Variants in RALGAPA2 observed in about 807,000 individuals in gnomAD.
RALGAPA2 encodes Ral GTPase activating protein catalytic subunit alpha 2.
RALGAPA2 carries 139 observed loss-of-function variants against 230.4 expected under a neutral mutation model. The ratio of observed to expected loss-of-function variants is 0.60; its 90% CI spans 0.53 to 0.69. The LOEUF (loss-of-function observed/expected upper bound fraction) is 0.69. Among genes scored for constraint, RALGAPA2 ranks in the 30% least tolerant of loss-of-function variants. The pLI, the probability that RALGAPA2 is intolerant of heterozygous loss-of-function variation, is 0.00. For synonymous variants in RALGAPA2, 847 were observed against 837.8 expected (o/e 1.01, Z -0.19); for missense variants, 2,163 against 2,276.0 (o/e 0.95, Z 1.01).
intron 30 of RALGAPA2, 107 bp from the exon 31 acceptor site, chr20:20,521,207 T>G: frequency 1.1e-6 from 1 of 896,866 alleles, no homozygotes; most frequent in Non-Finnish European, 1.7e-6. Context: ...TGCTTGGTCC[T>G]AGCTGGAAAT....
chr20:20,615,407 C>T (rs960024044), intron 13 of RALGAPA2, among the ~76,000 whole-genome samples: 1 of 152,012 alleles, frequency 6.6e-6, no homozygotes, highest in Admixed American at 6.6e-5. Flanking sequence ...GATGATCCAC[C>T]CACCTCGGCC....
intron 36 of RALGAPA2, among the ~76,000 whole-genome samples, chr20:20,481,578 T>A (rs1359355402): frequency 6.6e-6 from 1 of 152,250 alleles, no homozygotes; most frequent in Non-Finnish European, 1.5e-5. Flanking sequence ...TGGCACTGCC[T>A]TTATCATGCA....
At chr20:20,550,153 C>G (rs1361067825) in intron 23 of RALGAPA2, among the ~76,000 whole-genome samples, 1 of 152,132 alleles carries the variant, frequency 6.6e-6, no homozygotes, top group Admixed American at 6.5e-5. Context: ...CACCCTTTCC[C>G]CCAAGTCCCC....
In RALGAPA2 at chr20:20,712,560, G is replaced by A. The variant is rs2069932776; in HGVS notation, c.-80C>T. 2 of 1,331,004 alleles carry A rather than the reference G, an allele frequency of 1.5e-6. No homozygotes were observed. Among genetic ancestry groups the A allele is most frequent in the Non-Finnish European group, 1.9e-6 (2 of 1,041,104 alleles). The allele number at this position is 1,331,004 out of a possible 1,614,324, so 82.4% of individuals were successfully genotyped here. On this transcript the variant is annotated 5_prime_UTR_variant, in exon 1 of 40. Transcript: ENST00000202677. This position sits in a 1 kb window ranked among gnomAD's most constrained non-coding sequence, Gnocchi z 5.5. ...CGAATCAAAGCATAGGGTCGAGGCC[G>A]GCGCGTGTCGCGCGGGCCACTCGCC... is the stretch of plus-strand genomic sequence containing the variant.
At chr20:20,583,604 G>A (rs2146027036) in intron 19 of RALGAPA2, among the ~76,000 whole-genome samples, 1 of 152,246 alleles carries the variant, frequency 6.6e-6, no homozygotes, top group South Asian at 2.1e-4. Context: ...ACAAATGCAA[G>A]TTTACTCTAC....
At chr20:20,476,722 A>AAATAAAT (rs1569430610) in intron 36 of RALGAPA2, among the ~76,000 whole-genome samples, 5 of 125,832 alleles carry the variant, frequency 4.0e-5, no homozygotes, top group African/African-American at 5.5e-5. Context: ...AATAAATAAA[A>AAATAAAT]GAAAATACAT....
At chr20:20,547,353 G>C (rs1239263378) in intron 23 of RALGAPA2, among the ~76,000 whole-genome samples, 2 of 152,184 alleles carry the variant, frequency 1.3e-5, no homozygotes, top group African/African-American at 2.4e-5. Flanking sequence ...AAATGCTAAG[G>C]TCAGGGAAAC....
rs567735766 is a variant in RALGAPA2 at position 20,402,130 on chromosome 20, C to G, written c.5618-5396G>C. ...CTGAGAATGGAGAGGCCTAAGTGCT[C>G]GAGCTCTGGTCTGGACATGACCAGC... On this transcript the variant is annotated intron_variant, in intron 38 of 39. Coordinates refer to ENST00000202677, the MANE Select transcript of RALGAPA2 (RefSeq NM_020343.4). 5.3e-5 allele frequency among the ~76,000 whole-genome samples: 8 copies of G among 152,290 alleles called. No homozygotes were observed. In the East Asian group the frequency reaches 1.5e-3, roughly 29 times the overall value.
At chr20:20,685,322 T>C (rs963014225) in intron 1 of RALGAPA2, among the ~76,000 whole-genome samples, 4 of 152,178 alleles carry the variant, frequency 2.6e-5, no homozygotes, top group African/African-American at 9.7e-5. Flanking sequence ...GCACCATGGC[T>C]GAAGCCCATG....
chr20:20,559,858 T>C (rs998883639), intron 23 of RALGAPA2, among the ~76,000 whole-genome samples: 25 of 152,248 alleles, frequency 1.6e-4, no homozygotes, highest in African/African-American at 4.8e-4. Flanking sequence ...TCATGCCCTG[T>C]TGTACTCTTC....
intron 23 of RALGAPA2, among the ~76,000 whole-genome samples, chr20:20,570,067 A>T (rs1433941046): frequency 6.6e-6 from 1 of 152,174 alleles, no homozygotes; most frequent in Non-Finnish European, 1.5e-5. Context: ...TGATGCCTGT[A>T]AAATATTTGA....
intron 37 of RALGAPA2, among the ~76,000 whole-genome samples, chr20:20,428,407 A>G (rs1432740010): frequency 6.6e-6 from 1 of 152,214 alleles, no homozygotes; most frequent in African/African-American, 2.4e-5. Flanking sequence ...CTTAGAAAAA[A>G]AAATAGCCAA....
intron 24 of RALGAPA2, among the ~76,000 whole-genome samples, chr20:20,541,114 A>G (rs1181683559): frequency 4.9e-5 from 7 of 143,892 alleles, no homozygotes; most frequent in African/African-American, 1.8e-4. Flanking sequence ...ATCCTTGCCT[A>G]CACGTATCTT....
At chr20:20,601,613 CACTTT>C in intron 16 of RALGAPA2, 64 bp downstream of exon 16, 16 of 1,472,858 alleles carry the variant, frequency 1.1e-5, no homozygotes, top group Non-Finnish European at 1.5e-5. Context: ...ATTTTTAACA[CACTTT>C]ATGCCTATAA....
chr20:20,609,096 A>G (rs562924611), intron 14 of RALGAPA2, among the ~76,000 whole-genome samples: 3 of 152,294 alleles, frequency 2.0e-5, no homozygotes, highest in Admixed American at 6.5e-5. Flanking sequence ...CCCGGGTTCA[A>G]GCAATCTTCC....
At chr20:20,577,897 A>T (rs1458517601) in intron 20 of RALGAPA2, among the ~76,000 whole-genome samples, 2 of 152,176 alleles carry the variant, frequency 1.3e-5, no homozygotes, top group African/African-American at 4.8e-5. Context: ...GGTCCCCAGC[A>T]TCCCAATCAC....
intron 37 of RALGAPA2, among the ~76,000 whole-genome samples, chr20:20,416,345 G>A (rs188071359): frequency 1.3e-5 from 2 of 152,294 alleles, no homozygotes; most frequent in Admixed American, 1.3e-4. Context: ...ACCCTCATGA[G>A]CAGGGAAGTC....
At chr20:20,533,046 G>GAAGA (rs575104900) in intron 26 of RALGAPA2, among the ~76,000 whole-genome samples, 1 of 150,022 alleles carries the variant, frequency 6.7e-6, no homozygotes, top group African/African-American at 2.4e-5. Flanking sequence ...AAAAAAAAAA[G>GAAGA]AAGAAAGAAA....
chr20:20,510,849 G>A (rs988578684), intron 33 of RALGAPA2, among the ~76,000 whole-genome samples: 2 of 152,142 alleles, frequency 1.3e-5, no homozygotes, highest in East Asian at 1.9e-4. Flanking sequence ...GAATGTTAGC[G>A]CCTTGATACA....
Sources: allele counts gnomAD v4.1 joint callset (sites outside exome capture counted in the v4.1 genomes callset), GRCh38; gene constraint gnomAD v4.1.1; non-coding constraint Gnocchi (gnomAD v3.1); transcripts MANE v1.5; gene names NCBI Gene and HGNC (gene_info 2026-07-23, HGNC 2026-07-21).